Variants in C15orf40 observed in about 807,000 individuals in gnomAD.
C15orf40 encodes the protein UPF0235 protein C15orf40.
Under a neutral mutation model 13.9 loss-of-function variants are expected in C15orf40, and 9 were observed. The ratio of observed to expected loss-of-function variants is 0.65; its 90% CI spans 0.39 to 1.13. C15orf40 has a LOEUF of 1.13. Ranked by LOEUF, C15orf40 falls within the 50% of genes most tolerant of loss-of-function variation. The pLI, the probability that C15orf40 is intolerant of heterozygous loss-of-function variation, is 0.01. For missense variants in C15orf40, 225 were observed against 188.5 expected, an observed-to-expected ratio of 1.19 and a Z score of -1.13; for synonymous variants, 95 against 69.2, an observed-to-expected ratio of 1.37 and a Z score of -1.85.
At position 83,002,229 on chromosome 15, in the gene C15orf40, A is replaced by T. The variant is rs529153435; in HGVS notation, c.*3368T>A. On this transcript the variant is annotated 3_prime_UTR_variant, in exon 4 of 4. Transcript: ENST00000304177. ...CGGCCCCAAAGTAGTTTTTGATGAC[A>T]GAGTGTCCCCATATCTTCTTTGTTA... is the stretch of plus-strand genomic sequence containing the variant. 6.6e-6 allele frequency: 1 copy of T among 152,346 alleles called. No homozygotes were observed. The highest frequency in any genetic ancestry group is 2.1e-4 in the South Asian group (1 of 4,828). The allele number at this position is 152,346 out of a possible 1,614,324, so 9.4% of individuals were successfully genotyped here. A position where few individuals can be genotyped will look rare whatever the true frequency, so the allele number is the denominator to read the frequency against.
In C15orf40 at chr15:83,011,534, CAAA is replaced by C; in HGVS notation, c.71_73del (p.Leu24_Cys25delinsArg). On this transcript the variant is annotated inframe_deletion, in exon 1 of 4. Coordinates refer to ENST00000304177, the MANE Select transcript of C15orf40 (RefSeq NM_144597.3). ...ACCAGCCTTCTTAGGCATCTCGGCG[CAAA>C]GAAGCCGAGCGGAGCCCCGAGTATT... is the stretch of plus-strand genomic sequence containing the variant. 1 of 1,607,302 alleles carries C rather than the reference CAAA, an allele frequency of 6.2e-7. No homozygotes were observed. Among genetic ancestry groups the C allele is most frequent in the Non-Finnish European group, 8.5e-7 (1 of 1,178,346 alleles).
Position 83,010,245 on chromosome 15 carries a change from G to A in C15orf40, c.230C>T (p.Ala77Val), listed in dbSNP as rs1002090929. ...CCAGTGTCCAGGTATACCTGTTACA[G>A]CATTTTGTTTGGAGCCAGGTTTTGC... ...IHAKPGSKQNAVTDLTAEAVN... is the reference protein window; with the variant it reads ...IHAKPGSKQNVVTDLTAEAVN... Residue 77 changes from alanine to valine, a missense_variant, in exon 2 of 4, where the codon GCT becomes GTT. Transcript: ENST00000304177. 8 of 1,614,072 alleles carry A rather than the reference G, an allele frequency of 5.0e-6. No individual in the cohort carries two copies. The highest frequency in any genetic ancestry group is 1.7e-5 in the Admixed American group (1 of 60,006).
At chr15:82,989,781 T>C, downstream of C15orf40, 2 of 1,385,126 alleles carry the variant, frequency 1.4e-6, no homozygotes, top group Non-Finnish European at 1.9e-6. Context: ...GTCTTATTTA[T>C]TGTGTATTAG....
In C15orf40 at chr15:83,005,322, TTGCCCAGGCTGGAG is replaced by T; in HGVS notation, c.*261_*274del. ...TCGGGGGGAGAGAGTTTCACTCTTG[TTGCCCAGGCTGGAG>T]TGCAACGGCGCGATCTCGGCTTACT... On this transcript the variant is annotated 3_prime_UTR_variant, in exon 4 of 4. Coordinates refer to ENST00000304177, the MANE Select transcript of C15orf40 (RefSeq NM_144597.3). 1.0e-6 allele frequency: 1 copy of T among 955,788 alleles called. No homozygotes were observed. Among genetic ancestry groups the T allele is most frequent in the Non-Finnish European group, 1.3e-6 (1 of 788,158 alleles). 59.2% of individuals were successfully genotyped at this position (955,788 alleles called of 1,614,324 possible). A position where few individuals can be genotyped will look rare whatever the true frequency, so the allele number is the denominator to read the frequency against.
At chr15:82,989,169 C>T, downstream of C15orf40, 13 of 1,612,226 alleles carry the variant, frequency 8.1e-6, no homozygotes, top group Non-Finnish European at 1.1e-5. Context: ...TGGTGGGAAC[C>T]AAAGAAACAG....
chr15:82,994,662 A>G (rs1317702550), downstream of C15orf40, among the ~76,000 whole-genome samples: 2 of 152,204 alleles, frequency 1.3e-5, no homozygotes, highest in African/African-American at 4.8e-5. Context: ...CAAATTAGAT[A>G]TTATATGTAA....
chr15:83,001,421 G>A lies in C15orf40; in HGVS notation c.*4176C>T. 1 of 451,672 alleles carries A rather than the reference G, an allele frequency of 2.2e-6. No homozygotes were observed. Among genetic ancestry groups the A allele is most frequent in the Non-Finnish European group, 2.9e-6 (1 of 342,294 alleles). 28.0% of individuals were successfully genotyped at this position (451,672 alleles called of 1,614,324 possible). On this transcript the variant is annotated 3_prime_UTR_variant, in exon 4 of 4. Transcript: ENST00000304177. ...CAGATGCAGTGCTAGAACATCATAT[G>A]TCGGCATAGTTGGATAAATATTTTT... is the stretch of plus-strand genomic sequence containing the variant.
chr15:82,991,905 A>G (rs781346991), downstream of C15orf40: 5 of 1,288,982 alleles, frequency 3.9e-6, no homozygotes, highest in South Asian at 6.2e-5. Context: ...TCTTCTCTGA[A>G]AGCAGAAGTG....
downstream of C15orf40, among the ~76,000 whole-genome samples, chr15:82,989,401 G>GT (rs1166539956): frequency 3.9e-5 from 6 of 152,078 alleles, no homozygotes; most frequent in South Asian, 2.1e-4. Flanking sequence ...AAGTGCGTGT[G>GT]TTTTTTTGTT....
chr15:82,991,242 T>C (rs1701021488), downstream of C15orf40, among the ~76,000 whole-genome samples: 1 of 152,056 alleles, frequency 6.6e-6, no homozygotes. Context: ...CAAAAAAATA[T>C]ATATATTTAA....
At position 82,997,200 on chromosome 15, in the gene C15orf40, A is replaced by G. The variant is rs1471132227; in HGVS notation, c.*8397T>C. On this transcript the variant is annotated 3_prime_UTR_variant, in exon 4 of 4. Coordinates refer to ENST00000304177, the MANE Select transcript of C15orf40 (RefSeq NM_144597.3). ...TATTTCTATTATGCTTTTGTTTTTC[A>G]TTTTTATTTATTTATTTTTATTTTT... 1 of 139,002 alleles carries G rather than the reference A, an allele frequency of 7.2e-6. No homozygotes were observed. The highest frequency in any genetic ancestry group is 1.5e-5 in the Non-Finnish European group (1 of 65,606). 8.6% of individuals were successfully genotyped at this position (139,002 alleles called of 1,614,324 possible).
Position 83,005,040 on chromosome 15 carries a change from C to A in C15orf40, c.*557G>T. On this transcript the variant is annotated 3_prime_UTR_variant, in exon 4 of 4. Coordinates refer to ENST00000304177, the MANE Select transcript of C15orf40 (RefSeq NM_144597.3). ...GTTAAATCAGGTCATCTTGAATATTCTTCCCAGCTCTGTTATTTTACAACG... is the reference window on the plus strand; with the variant it reads ...GTTAAATCAGGTCATCTTGAATATTATTCCCAGCTCTGTTATTTTACAACG... The A allele has an allele frequency of 1.6e-6, 2 of 1,219,152 alleles. No homozygotes were observed. The highest frequency in any genetic ancestry group is 5.9e-5 in the Admixed American group (2 of 33,960). The allele number at this position is 1,219,152 out of a possible 1,614,324, so 75.5% of individuals were successfully genotyped here. A position where few individuals can be genotyped will look rare whatever the true frequency, so the allele number is the denominator to read the frequency against.
Position 82,997,853 on chromosome 15 carries a change from T to G in C15orf40, c.*7744A>C, listed in dbSNP as rs1482293437. 1.3e-5 allele frequency: 1 copy of G among 74,532 alleles called. No homozygotes were observed. The highest frequency in any genetic ancestry group is 2.6e-5 in the Non-Finnish European group (1 of 39,078). 4.6% of individuals were successfully genotyped at this position (74,532 alleles called of 1,614,324 possible). On this transcript the variant is annotated 3_prime_UTR_variant, in exon 4 of 4. Coordinates refer to ENST00000304177, the MANE Select transcript of C15orf40 (RefSeq NM_144597.3). ...GGGGGCTGACCCCCCCCCACCTCCC[T>G]CCCGGACGGGGCGGCTGGCCGGGCA...
intron 2 of C15orf40, among the ~76,000 whole-genome samples, chr15:83,009,086 G>C (rs1161426294): frequency 6.6e-6 from 1 of 152,062 alleles, no homozygotes; most frequent in Non-Finnish European, 1.5e-5. Flanking sequence ...AGGTTGTGCA[G>C]GGTTTCCTCA....
At chr15:83,011,406 C>G in intron 1 of C15orf40, 91 bp downstream of exon 1, 2 of 1,380,154 alleles carry the variant, frequency 1.4e-6, no homozygotes, top group Non-Finnish European at 1.9e-6. Flanking sequence ...CTGGCAGTGC[C>G]TCCACTCACT....
At chr15:82,992,890 C>G (rs1156920900), downstream of C15orf40, among the ~76,000 whole-genome samples, 1 of 151,906 alleles carries the variant, frequency 6.6e-6, no homozygotes, top group Non-Finnish European at 1.5e-5. Context: ...CAGACTGTAC[C>G]CCTGCCCCTG....
rs63145262 is a variant in C15orf40 at position 83,004,737 on chromosome 15, A to T, written c.*860T>A. 148 of 553,052 alleles carry T rather than the reference A, an allele frequency of 2.7e-4. No individual in the cohort carries two copies. The highest frequency in any genetic ancestry group is 2.4e-3 in the Middle Eastern group (3 of 1,272). The allele number at this position is 553,052 out of a possible 1,614,324, so 34.3% of individuals were successfully genotyped here. On this transcript the variant is annotated 3_prime_UTR_variant, in exon 4 of 4. Transcript: ENST00000304177. Reference sequence around the variant, plus strand: ...AGTCTTTAAAAGATGTAAAAAAAAAATTTTTTTTACATTTAAATAAGCATT... The same window carrying T: ...AGTCTTTAAAAGATGTAAAAAAAAATTTTTTTTTACATTTAAATAAGCATT...
rs962629983 is a variant in C15orf40 at position 83,003,013 on chromosome 15, T to C, written c.*2584A>G. 4 of 152,148 alleles carry C rather than the reference T, an allele frequency of 2.6e-5. No homozygotes were observed. The highest frequency in any genetic ancestry group is 9.7e-5 in the African/African-American group (4 of 41,396). 9.4% of individuals were successfully genotyped at this position (152,148 alleles called of 1,614,324 possible). ...TTTTAGTAGAGACGGGGTTTCACCATGTTGGCCAGGGTGATCTTGAACTCC... is the reference window on the plus strand; with the variant it reads ...TTTTAGTAGAGACGGGGTTTCACCACGTTGGCCAGGGTGATCTTGAACTCC... On this transcript the variant is annotated 3_prime_UTR_variant, in exon 4 of 4. Coordinates refer to ENST00000304177, the MANE Select transcript of C15orf40 (RefSeq NM_144597.3).
downstream of C15orf40, among the ~76,000 whole-genome samples, chr15:82,993,357 G>A (rs1331837123): frequency 2.6e-5 from 4 of 152,170 alleles, no homozygotes; most frequent in African/African-American, 4.8e-5. Flanking sequence ...GTAGAGTAAC[G>A]GGCAGAAGAT....
Sources: allele counts gnomAD v4.1 joint callset (sites outside exome capture counted in the v4.1 genomes callset), GRCh38; gene constraint gnomAD v4.1.1; transcripts MANE v1.5; gene names NCBI Gene and HGNC (gene_info 2026-07-23, HGNC 2026-07-21).